HNRNPC: variants seen among roughly 807,000 people sequenced by gnomAD.
HNRNPC encodes the protein heterogeneous nuclear ribonucleoprotein C, also known as heterogeneous nuclear ribonucleoproteins C1/C2.
Under a neutral mutation model 33.2 loss-of-function variants are expected in HNRNPC, and 3 were observed. The observed-to-expected ratio is 0.09, with a 90% CI of 0.04 to 0.23. The LOEUF (loss-of-function observed/expected upper bound fraction) is 0.23, where lower values mean the gene tolerates loss of function less well. Among genes scored for constraint, HNRNPC ranks in the 10% least tolerant of loss-of-function variants. The probability of loss-of-function intolerance (pLI) is 1.00; values close to 1 mark genes in which losing one functional copy is unlikely to be tolerated. For synonymous variants in HNRNPC, 121 were observed against 126.7 expected (o/e 0.96, Z 0.30); for missense variants, 143 against 366.7 (o/e 0.39, Z 4.98).
At chr14:21,229,041 C>G (rs762582275) in intron 5 of HNRNPC, among the ~76,000 whole-genome samples, 1 of 146,386 alleles carries the variant, frequency 6.8e-6, no homozygotes, top group East Asian at 2.0e-4. Context: ...GCCAAAATCA[C>G]GCCACTTCAC....
intron 5 of HNRNPC, among the ~76,000 whole-genome samples, chr14:21,220,191 G>GT (rs1892662248): frequency 1.3e-5 from 2 of 151,036 alleles, no homozygotes; most frequent in African/African-American, 4.9e-5. Context: ...TATGCGTCAC[G>GT]TGATGTCTTT....
intron 2 of HNRNPC, among the ~76,000 whole-genome samples, chr14:21,253,174 A>T (rs111323420): frequency 4.2e-5 from 5 of 117,652 alleles, no homozygotes; most frequent in East Asian, 2.4e-4. Flanking sequence ...CTCTGTCTTT[A>T]AAAAAAAAAA....
chr14:21,220,831 TAA>T (rs34492058), intron 5 of HNRNPC, among the ~76,000 whole-genome samples: 1 of 147,690 alleles, frequency 6.8e-6, no homozygotes, highest in Middle Eastern at 3.2e-3. Flanking sequence ...GGTATTTATT[TAA>T]AAAAAAAAAA....
chr14:21,248,740 G>C (rs1264518561), intron 2 of HNRNPC, among the ~76,000 whole-genome samples: 2 of 152,208 alleles, frequency 1.3e-5, no homozygotes, highest in East Asian at 3.8e-4. Flanking sequence ...AGTGTCTACT[G>C]CAAGCAATGG....
chr14:21,215,031 A>G (rs1892010686), intron 5 of HNRNPC, among the ~76,000 whole-genome samples: 2 of 152,236 alleles, frequency 1.3e-5, no homozygotes, highest in Admixed American at 6.5e-5. Context: ...TTCTTTTTAA[A>G]ACCTACTATT....
At chr14:21,214,362 C>T (rs1258132440) in intron 5 of HNRNPC, among the ~76,000 whole-genome samples, 3 of 152,214 alleles carry the variant, frequency 2.0e-5, no homozygotes, top group African/African-American at 7.2e-5. Flanking sequence ...TTTACAAGAT[C>T]TCATTGCTAA....
At chr14:21,212,154 G>A (rs780299367) in intron 6 of HNRNPC, among the ~76,000 whole-genome samples, 1 of 152,034 alleles carries the variant, frequency 6.6e-6, no homozygotes, top group Non-Finnish European at 1.5e-5. Context: ...ATGTTGACCA[G>A]GCCTGAGGAC....
chr14:21,213,128 A>G lies in HNRNPC; in HGVS notation c.366-11T>C. 6.2e-7 allele frequency: 1 copy of G among 1,612,942 alleles called. No individual in the cohort carries two copies. Among genetic ancestry groups the G allele is most frequent in the Non-Finnish European group, 8.5e-7 (1 of 1,179,138 alleles). On this transcript the variant is annotated splice_polypyrimidine_tract_variant and intron_variant, in intron 5 of 8. Transcript: ENST00000553300. ...GGGTAACTGTACATCCTATTGGATAAGAGGAAAATGGAATTCATTCAAACC... is the reference window on the plus strand; with the variant it reads ...GGGTAACTGTACATCCTATTGGATAGGAGGAAAATGGAATTCATTCAAACC...
intron 5 of HNRNPC, among the ~76,000 whole-genome samples, chr14:21,220,230 T>A (rs989174492): frequency 3.4e-5 from 5 of 146,880 alleles, no homozygotes; most frequent in African/African-American, 1.3e-4. Context: ...TGAGGCCATC[T>A]ATTTCTGGTT....
chr14:21,231,426 G>A lies in HNRNPC; in HGVS notation c.242-354C>T, dbSNP rs1295875445. The stretch of plus-strand genomic sequence containing the variant: ...AGCTGGAGTGCAGTGATGCAATAAT[G>A]GCTCAATACAGCCTAGACCTCCGAA... On this transcript the variant is annotated intron_variant, in intron 3 of 8. Coordinates refer to ENST00000553300, the MANE Select transcript of HNRNPC (RefSeq NM_004500.4). 1.7e-5 allele frequency: 8 copies of A among 461,210 alleles called. 1 individual carries two copies. Among genetic ancestry groups the A allele is most frequent in the Non-Finnish European group, 3.5e-5 (8 of 230,366 alleles). 28.6% of individuals were successfully genotyped at this position (461,210 alleles called of 1,614,324 possible). A position where few individuals can be genotyped will look rare whatever the true frequency, so the allele number is the denominator to read the frequency against.
At chr14:21,267,747 A>G (rs1879257545) in intron 1 of HNRNPC, among the ~76,000 whole-genome samples, 1 of 152,254 alleles carries the variant, frequency 6.6e-6, no homozygotes, top group Non-Finnish European at 1.5e-5. Flanking sequence ...GAAGGAACCC[A>G]TTTTCGAAAA....
chr14:21,260,214 A>T lies in HNRNPC; in HGVS notation c.-37+3097T>A, dbSNP rs567131201. Among the ~76,000 whole-genome samples, 540 of 149,592 alleles carry T rather than the reference A, an allele frequency of 3.6e-3. 2 individuals carry two copies. Among genetic ancestry groups the T allele is most frequent in the Middle Eastern group, 0.014 (4 of 294 alleles). On this transcript the variant is annotated intron_variant, in intron 2 of 8. Transcript: ENST00000553300. ...GACTCCATCTCAAAAAAAAAAAAAA[A>T]AAATTAGCCGGGCATAGTAGCAGGT...
chr14:21,240,588 G>C (rs191149580), intron 2 of HNRNPC, among the ~76,000 whole-genome samples: 92 of 152,270 alleles, frequency 6.0e-4, no homozygotes, highest in Non-Finnish European at 1.2e-3. Context: ...AAATGAATTT[G>C]AACATGGAGT....
At chr14:21,244,318 G>A (rs1382028475) in intron 2 of HNRNPC, among the ~76,000 whole-genome samples, 1 of 152,126 alleles carries the variant, frequency 6.6e-6, no homozygotes, top group Non-Finnish European at 1.5e-5. Context: ...TCTCTATAAA[G>A]CACTTTTATA....
At chr14:21,258,293 G>C (rs947806737) in intron 2 of HNRNPC, among the ~76,000 whole-genome samples, 1 of 151,938 alleles carries the variant, frequency 6.6e-6, no homozygotes, top group African/African-American at 2.4e-5. Context: ...AGGAGGCGGA[G>C]GCACAAGAAT....
intron 6 of HNRNPC, among the ~76,000 whole-genome samples, 181 bp downstream of exon 6, chr14:21,212,779 G>C (rs2139452697): frequency 6.6e-6 from 1 of 152,188 alleles, no homozygotes; most frequent in Admixed American, 6.5e-5. Context: ...CCTGACCTCA[G>C]CTGATCCACC....
intron 5 of HNRNPC, among the ~76,000 whole-genome samples, chr14:21,221,397 G>A (rs1892809445): frequency 6.6e-6 from 1 of 152,088 alleles, no homozygotes; most frequent in East Asian, 1.9e-4. Context: ...AGTCACATGT[G>A]GCCACTGAAC....
At chr14:21,243,159 AAG>A (rs1236972314) in intron 2 of HNRNPC, among the ~76,000 whole-genome samples, 3 of 152,174 alleles carry the variant, frequency 2.0e-5, no homozygotes, top group South Asian at 2.1e-4. Context: ...GACTGGGCAA[AAG>A]AGACATTTTT....
At chr14:21,266,180 G>A (rs773086432) in intron 1 of HNRNPC, among the ~76,000 whole-genome samples, 3 of 152,118 alleles carry the variant, frequency 2.0e-5, no homozygotes, top group Admixed American at 6.6e-5. Context: ...ATGGCTCACT[G>A]CAACCTCCAC....
Sources: gnomAD v4.1 joint callset for allele counts (sites outside exome capture counted in the v4.1 genomes callset) on GRCh38, gnomAD v4.1.1 for gene constraint, MANE v1.5 for transcripts, NCBI Gene and HGNC (gene_info 2026-07-23, HGNC 2026-07-21) for gene names.